The following GMCL1 variants were observed in gnomAD, a reference collection of about 807,000 sequenced individuals.
GMCL1 encodes germ cell-less 1, spermatogenesis associated, also known as germ cell-less protein-like 1.
In GMCL1, 54 loss-of-function variants were observed where a neutral mutation model predicts 75.5. That is an observed-to-expected ratio of 0.71 (90% confidence interval 0.57 to 0.90). GMCL1 has a LOEUF of 0.90. Among genes scored for constraint, GMCL1 ranks in the 40% least tolerant of loss-of-function variants. The probability of loss-of-function intolerance (pLI) is 0.00; values close to 1 mark genes in which losing one functional copy is unlikely to be tolerated. For missense variants in GMCL1, 537 were observed against 622.7 expected, an observed-to-expected ratio of 0.86 and a Z score of 1.47; for synonymous variants, 210 against 209.6, an observed-to-expected ratio of 1.00 and a Z score of -0.02.
At chr2:69,843,336 A>G (rs1675040177) in intron 5 of GMCL1, 75 bp downstream of exon 5, 1 of 732,190 alleles carries the variant, frequency 1.4e-6, no homozygotes, top group Non-Finnish European at 2.4e-6. Flanking sequence ...AAGAGAATGT[A>G]TAGCTATAAG....
At chr2:69,831,652 G>T (rs1287369724) in intron 1 of GMCL1, among the ~76,000 whole-genome samples, 1 of 151,900 alleles carries the variant, frequency 6.6e-6, no homozygotes, top group African/African-American at 2.4e-5. Flanking sequence ...GTGTCGCCCA[G>T]GCTGGAATGC....
At chr2:69,830,882 A>G (rs1157447515) in intron 1 of GMCL1, among the ~76,000 whole-genome samples, 1 of 151,892 alleles carries the variant, frequency 6.6e-6, no homozygotes, top group Non-Finnish European at 1.5e-5. Context: ...TTTGTTTTTA[A>G]AGGTTATTTG....
rs562734394 is a variant in GMCL1 at position 69,843,309 on chromosome 2, G to A, written c.692+48G>A. ...CTTCCTATCCCACTTTTAGGAATTT[G>A]GTTGCTTTAGTTTCTTAAGAGAATG... On this transcript the variant is annotated intron_variant, in intron 5 of 13. Transcript: ENST00000282570. 4 of 1,014,184 alleles carry A rather than the reference G, an allele frequency of 3.9e-6. No individual in the cohort carries two copies. In the African/African-American group the frequency reaches 6.4e-5, roughly 16 times the overall value. 62.8% of individuals were successfully genotyped at this position (1,014,184 alleles called of 1,614,324 possible). A position where few individuals can be genotyped will look rare whatever the true frequency, so the allele number is the denominator to read the frequency against.
intron 10 of GMCL1, among the ~76,000 whole-genome samples, chr2:69,863,466 T>A (rs1438420826): frequency 6.6e-6 from 1 of 152,212 alleles, no homozygotes; most frequent in East Asian, 1.9e-4. Flanking sequence ...ATAAAACTCT[T>A]GTCTATGTTG....
intron 13 of GMCL1, among the ~76,000 whole-genome samples, chr2:69,877,799 G>A (rs563941049): frequency 6.6e-5 from 10 of 152,246 alleles, no homozygotes; most frequent in African/African-American, 2.4e-4. Flanking sequence ...CACAGAAGCT[G>A]TGTCTAGTGA....
rs758433548 is a variant in GMCL1 at position 69,837,537 on chromosome 2, C to T, written c.261-10C>T. 5.3e-6 allele frequency: 8 copies of T among 1,509,258 alleles called. No homozygotes were observed. The South Asian group carries it at 7.6e-5, about 14-fold the overall frequency. 93.5% of individuals were successfully genotyped at this position (1,509,258 alleles called of 1,614,324 possible). ...ATATAAATATGTGACTTTTTCATTTCTTTTAACAGGAAAAAATTAAAGAGT... is the reference window on the plus strand; with the variant it reads ...ATATAAATATGTGACTTTTTCATTTTTTTTAACAGGAAAAAATTAAAGAGT... On this transcript the variant is annotated splice_polypyrimidine_tract_variant and intron_variant, in intron 1 of 13. Transcript: ENST00000282570.
At position 69,881,353 on chromosome 2, in the gene GMCL1, T is replaced by C. The variant is rs1258390226; in HGVS notation, c.*2349T>C. ...AATAGAAATATTTTCAATAAAGTGT[T>C]AATAGTGTAAGATAAAGTATTGTAT... On this transcript the variant is annotated 3_prime_UTR_variant, in exon 14 of 14. Coordinates refer to ENST00000282570, the MANE Select transcript of GMCL1 (RefSeq NM_178439.5). 6.6e-6 allele frequency: 1 copy of C among 152,236 alleles called. No homozygotes were observed. The highest frequency in any genetic ancestry group is 1.5e-5 in the Non-Finnish European group (1 of 68,040). 9.4% of individuals were successfully genotyped at this position (152,236 alleles called of 1,614,324 possible). A position where few individuals can be genotyped will look rare whatever the true frequency, so the allele number is the denominator to read the frequency against.
At chr2:69,847,126 C>T (rs1675172190) in intron 6 of GMCL1, among the ~76,000 whole-genome samples, 1 of 151,842 alleles carries the variant, frequency 6.6e-6, no homozygotes, top group South Asian at 2.1e-4. Context: ...GCCACTATGC[C>T]TGGCCTTTTT....
In GMCL1 at chr2:69,843,260, A is replaced by T; in HGVS notation, c.691A>T (p.Lys231Ter). ...GTYGLDSVKK[K>*]CLEWLLNNLM... is the part of the protein sequence containing the mutation. ...CTATGGATTAGATTCTGTAAAGAAA[A>T]AGTGAGTTGCCTTTCTTGTTTTTCT... The change falls in exon 5 of 14, where the codon AAG becomes TAG. Residue 231 changes from lysine (K) to a stop codon, truncating the protein, a stop_gained and splice_region_variant. Coordinates refer to ENST00000282570, the MANE Select transcript of GMCL1 (RefSeq NM_178439.5). LOFTEE classifies it high-confidence loss of function. 6.5e-7 allele frequency: 1 copy of T among 1,531,658 alleles called. No homozygotes were observed. Among genetic ancestry groups the T allele is most frequent in the Non-Finnish European group, 9.0e-7 (1 of 1,107,284 alleles). The allele number at this position is 1,531,658 out of a possible 1,614,324, so 94.9% of individuals were successfully genotyped here. A position where few individuals can be genotyped will look rare whatever the true frequency, so the allele number is the denominator to read the frequency against.
chr2:69,849,125 T>G (rs970858160), intron 7 of GMCL1, among the ~76,000 whole-genome samples: 2 of 152,200 alleles, frequency 1.3e-5, no homozygotes, highest in Non-Finnish European at 2.9e-5. Flanking sequence ...AAGGATTGGC[T>G]TACTCCTTAG....
chr2:69,861,604 T>G (rs767943438), intron 10 of GMCL1, among the ~76,000 whole-genome samples: 2 of 152,238 alleles, frequency 1.3e-5, no homozygotes, highest in Non-Finnish European at 2.9e-5. Flanking sequence ...CCATATATAC[T>G]TTGTTTCACT....
chr2:69,837,833 C>T (rs548146520), intron 2 of GMCL1, among the ~76,000 whole-genome samples, 163 bp downstream of exon 2: 11 of 152,126 alleles, frequency 7.2e-5, no homozygotes, highest in Non-Finnish European at 1.6e-4. Flanking sequence ...TTAGTGAAAA[C>T]TAAGTTTGGT....
At chr2:69,845,394 G>C in intron 6 of GMCL1, among the ~76,000 whole-genome samples, 1 of 152,240 alleles carries the variant, frequency 6.6e-6, no homozygotes, top group African/African-American at 2.4e-5. Context: ...GAAATATGGC[G>C]GTGACAATGA....
At chr2:69,839,381 T>G (rs886588531) in intron 2 of GMCL1, 76 bp from the exon 3 acceptor site, 7 of 846,438 alleles carry the variant, frequency 8.3e-6, no homozygotes, top group Non-Finnish European at 1.2e-5. Context: ...AATAGTTGCT[T>G]AGAATTAGAA....
intron 9 of GMCL1, among the ~76,000 whole-genome samples, chr2:69,860,865 C>CA (rs1675619188): frequency 6.6e-6 from 1 of 152,100 alleles, no homozygotes; most frequent in Non-Finnish European, 1.5e-5. Context: ...TTGTTTGAGA[C>CA]AGAGTCTTGC....
chr2:69,869,845 C>T lies in GMCL1; in HGVS notation c.1345C>T (p.Arg449Ter), dbSNP rs1186145816. The change falls in exon 12 of 14, where the codon CGA becomes TGA. Residue 449 changes from arginine to a stop codon, truncating the protein, a stop_gained. Transcript: ENST00000282570. LOFTEE classifies it high-confidence loss of function. ...TAGCGGATCTGTCAGTTTACAGCCT[C>T]GAAGGAGCATAGCATTTAGGTAGGA... is the stretch of plus-strand genomic sequence containing the variant. ...PCSGSVSLQPRRSIAFRLRLA... is the reference protein window; with the variant it reads ...PCSGSVSLQP 7 of 1,613,634 alleles carry T rather than the reference C, an allele frequency of 4.3e-6. No homozygotes were observed. The highest frequency in any genetic ancestry group is 2.2e-5 in the East Asian group (1 of 44,870).
In GMCL1 at chr2:69,854,979, T is replaced by C. The variant is rs1396198951; in HGVS notation, c.1072+19T>C. 1 of 1,515,658 alleles carries C rather than the reference T, an allele frequency of 6.6e-7. No homozygotes were observed. Among genetic ancestry groups the C allele is most frequent in the East Asian group, 2.3e-5 (1 of 43,630 alleles). 93.9% of individuals were successfully genotyped at this position (1,515,658 alleles called of 1,614,324 possible). ...CCTTCAGGTAAGAGAACATAATTTG[T>C]AATTTTAAGTAATATATTTCTGATT... is the stretch of plus-strand genomic sequence containing the variant. On this transcript the variant is annotated intron_variant, in intron 9 of 13. Coordinates refer to ENST00000282570, the MANE Select transcript of GMCL1 (RefSeq NM_178439.5).
rs148776259 is a variant in GMCL1, at chr2:69,843,151, C to G, written c.582C>G (p.Asp194Glu). ...ILAAACLLQLDGLIQQCGETM... is the reference protein window; with the variant it reads ...ILAAACLLQLEGLIQQCGETM... ...CCAGTGCTTATTTATATTTACAGGA[C>G]GGTTTAATACAGCAGTGTGGTGAGA... Residue 194 changes from aspartate (D) to glutamate (E), a missense_variant and splice_region_variant, in exon 5 of 14, where the codon GAC (aspartate) becomes GAG (glutamate). Physicochemically the swap from Asp to Glu is conservative, Grantham distance 45 (BLOSUM62 2). Around this residue, in one of 3 missense-constraint regions of GMCL1, gnomAD observed 345 missense variants for 410.5 expected, o/e 0.84. Transcript: ENST00000282570. 5.7e-6 allele frequency: 9 copies of G among 1,589,640 alleles called. No individual in the cohort carries two copies. The highest frequency in any genetic ancestry group is 7.8e-6 in the Non-Finnish European group (9 of 1,160,418).
intron 1 of GMCL1, among the ~76,000 whole-genome samples, chr2:69,835,914 A>C (rs1470911429): frequency 6.6e-6 from 1 of 152,172 alleles, no homozygotes; most frequent in Non-Finnish European, 1.5e-5. Context: ...CAGATTCTTT[A>C]AATTTCAGAA....
Sources: gnomAD v4.1 joint callset for allele counts (sites outside exome capture counted in the v4.1 genomes callset) on GRCh38, gnomAD v4.1.1 for gene constraint, gnomAD v4.1.1 regional missense constraint, MANE v1.5 for transcripts, NCBI Gene and HGNC (gene_info 2026-07-23, HGNC 2026-07-21) for gene names.